Variants in RHEB observed in about 807,000 individuals in gnomAD.
RHEB encodes the protein Ras homolog, mTORC1 binding.
A neutral mutation model predicts 28.8 loss-of-function variants in RHEB; 2 were observed. The observed-to-expected ratio is 0.07, with a 90% CI of 0.03 to 0.22. The LOEUF (loss-of-function observed/expected upper bound fraction) is 0.22, where lower values mean the gene tolerates loss of function less well. Among genes scored for constraint, RHEB ranks in the 10% least tolerant of loss-of-function variants. The probability of loss-of-function intolerance (pLI) is 1.00; values close to 1 mark genes in which losing one functional copy is unlikely to be tolerated. For synonymous variants in RHEB, 69 were observed against 77.3 expected, an observed-to-expected ratio of 0.89 and a Z score of 0.56; for missense variants, 76 against 219.9, an observed-to-expected ratio of 0.35 and a Z score of 4.14.
intron 1 of RHEB, among the ~76,000 whole-genome samples, chr7:151,497,430 C>T (rs1457558874): frequency 6.6e-6 from 1 of 152,170 alleles, no homozygotes; most frequent in Non-Finnish European, 1.5e-5. Context: ...GAACCACTGC[C>T]CTCAGGCAGC....
Position 151,495,794 on chromosome 7 carries a change from A to C in RHEB, c.53-4780T>G, listed in dbSNP as rs1802662145. 1.3e-5 allele frequency among the ~76,000 whole-genome samples: 2 copies of C among 152,182 alleles called. 1 individual carries two copies. Among genetic ancestry groups the C allele is most frequent in the South Asian group, 4.1e-4 (2 of 4,828 alleles). On this transcript the variant is annotated intron_variant, in intron 1 of 7. Transcript: ENST00000262187. ...GATAAAACCCTATCTCTACAAAAAAAATATAAAAATTAGCTGAGTGTGGTG... is the reference window on the plus strand; with the variant it reads ...GATAAAACCCTATCTCTACAAAAAACATATAAAAATTAGCTGAGTGTGGTG...
intron 1 of RHEB, among the ~76,000 whole-genome samples, chr7:151,495,061 C>G (rs1271558685): frequency 6.6e-6 from 1 of 152,194 alleles, no homozygotes; most frequent in African/African-American, 2.4e-5. Flanking sequence ...CACAAAAAGG[C>G]ATTGGTGATC....
At chr7:151,479,864 C>G (rs777384454) in intron 3 of RHEB, among the ~76,000 whole-genome samples, 1 of 152,010 alleles carries the variant, frequency 6.6e-6, no homozygotes, top group Non-Finnish European at 1.5e-5. Context: ...CATCAACACG[C>G]AAAGACCAAC....
intron 3 of RHEB, among the ~76,000 whole-genome samples, chr7:151,477,625 T>G (rs2150923067): frequency 6.6e-6 from 1 of 152,262 alleles, no homozygotes; most frequent in South Asian, 2.1e-4. Flanking sequence ...TGACTAGCTG[T>G]TCTAGAACTT....
At chr7:151,503,051 C>CG (rs1326759208) in intron 1 of RHEB, 1 of 789,816 alleles carries the variant, frequency 1.3e-6, no homozygotes, top group East Asian at 2.4e-5. Context: ...CCAGGACACG[C>CG]GAAAGTACTG....
chr7:151,504,037 CACTCCCT>C (rs1802823018), intron 1 of RHEB, among the ~76,000 whole-genome samples: 1 of 152,216 alleles, frequency 6.6e-6, no homozygotes, highest in South Asian at 2.1e-4. Context: ...ATTTCAACTT[CACTCCCT>C]CAAGCTACCC....
intron 1 of RHEB, among the ~76,000 whole-genome samples, chr7:151,509,400 G>C (rs1024831863): frequency 4.6e-5 from 7 of 150,556 alleles, no homozygotes; most frequent in African/African-American, 1.7e-4. Context: ...AATAAATCTG[G>C]TCCACCCCTT....
intron 7 of RHEB, among the ~76,000 whole-genome samples, chr7:151,467,935 T>C (rs1258441937): frequency 3.4e-4 from 51 of 151,632 alleles, no homozygotes; most frequent in Admixed American, 3.3e-3. Flanking sequence ...AGATTGGAGG[T>C]TTCTATGTTG....
In RHEB at chr7:151,469,741, G is replaced by A. The variant is rs575752886; in HGVS notation, c.462+830C>T. Reference sequence around the variant, plus strand: ...AAGTGGGGTGGACAGGAGATGGTGTGTTTAAGGAAGGGAGCAGTTTGATGT... The same window carrying A: ...AAGTGGGGTGGACAGGAGATGGTGTATTTAAGGAAGGGAGCAGTTTGATGT... On this transcript the variant is annotated intron_variant, in intron 7 of 7. Coordinates refer to ENST00000262187, the MANE Select transcript of RHEB (RefSeq NM_005614.4). 2.0e-5 allele frequency among the ~76,000 whole-genome samples: 3 copies of A among 152,300 alleles called. No individual in the cohort carries two copies. In the East Asian group the frequency reaches 5.8e-4, roughly 29 times the overall value.
intron 2 of RHEB, among the ~76,000 whole-genome samples, chr7:151,485,548 C>T (rs1802456769): frequency 6.6e-6 from 1 of 152,174 alleles, no homozygotes; most frequent in Admixed American, 6.5e-5. Context: ...ATCTTGCATA[C>T]CCGCCCCAGC....
At chr7:151,473,978 A>T (rs1020565124) in intron 4 of RHEB, among the ~76,000 whole-genome samples, 10 of 152,278 alleles carry the variant, frequency 6.6e-5, no homozygotes, top group African/African-American at 2.4e-4. Context: ...CAAGCATCTC[A>T]CTCGGAAGAA....
Position 151,466,899 on chromosome 7 carries a change from T to C in RHEB, c.*220A>G, listed in dbSNP as rs1802073680. ...GGTCATAATATTAAGAAATACAATA[T>C]ATAAATTGAAAATATGATTGCTTAA... is the stretch of plus-strand genomic sequence containing the variant. On this transcript the variant is annotated 3_prime_UTR_variant, in exon 8 of 8. Transcript: ENST00000262187. The C allele has an allele frequency of 2.2e-6, 1 of 453,710 alleles. No homozygotes were observed. Among genetic ancestry groups the C allele is most frequent in the Admixed American group, 3.8e-5 (1 of 26,482 alleles). The allele number at this position is 453,710 out of a possible 1,614,324, so 28.1% of individuals were successfully genotyped here. A position where few individuals can be genotyped will look rare whatever the true frequency, so the allele number is the denominator to read the frequency against.
chr7:151,474,447 TTGGGATTACA>T (rs1261345803), intron 4 of RHEB, among the ~76,000 whole-genome samples: 1 of 152,140 alleles, frequency 6.6e-6, no homozygotes, highest in Non-Finnish European at 1.5e-5. Flanking sequence ...TCCCAAAGTA[TTGGGATTACA>T]GGTGTGGGCC....
chr7:151,478,209 A>G (rs1234135441), intron 3 of RHEB, among the ~76,000 whole-genome samples: 1 of 152,226 alleles, frequency 6.6e-6, no homozygotes. Context: ...CGAACGTTTC[A>G]TTCTTAGTTG....
rs1018998688 is a variant in RHEB at position 151,466,545 on chromosome 7, A to G, written c.*574T>C. The G allele has an allele frequency of 2.0e-5, 3 of 152,550 alleles. No individual in the cohort carries two copies. The highest frequency in any genetic ancestry group is 4.9e-5 in the African/African-American group (2 of 40,902). 9.4% of individuals were successfully genotyped at this position (152,550 alleles called of 1,614,324 possible). A position where few individuals can be genotyped will look rare whatever the true frequency, so the allele number is the denominator to read the frequency against. ...AACCCAGCCCCAACATCTGCAGGCCACTGCGCAGGGAGTCCACGGTCAGCA... is the reference window on the plus strand; with the variant it reads ...AACCCAGCCCCAACATCTGCAGGCCGCTGCGCAGGGAGTCCACGGTCAGCA... On this transcript the variant is annotated 3_prime_UTR_variant, in exon 8 of 8. Transcript: ENST00000262187.
rs1284622128 is a variant in RHEB, at chr7:151,519,654, A to G, written c.-143T>C. On this transcript the variant is annotated 5_prime_UTR_variant, in exon 1 of 8. Coordinates refer to ENST00000262187, the MANE Select transcript of RHEB (RefSeq NM_005614.4). ...CGGGCGCGGCTGCCTCTCGCTCGCT[A>G]GCTCGCGCGCTCCCAACCGCCCGGA... The G allele has an allele frequency of 1.8e-5, 12 of 654,606 alleles. No individual in the cohort carries two copies. Among genetic ancestry groups the G allele is most frequent in the Admixed American group, 4.4e-5 (1 of 22,804 alleles). The allele number at this position is 654,606 out of a possible 1,614,324, so 40.5% of individuals were successfully genotyped here.
Position 151,500,154 on chromosome 7 carries a change from A to T in RHEB, c.53-9140T>A, listed in dbSNP as rs201180514. Among the ~76,000 whole-genome samples, 9 of 152,362 alleles carry T rather than the reference A, an allele frequency of 5.9e-5. No homozygotes were observed. In the East Asian group the frequency reaches 1.7e-3, roughly 29 times the overall value. ...GAAGATTTACTTTCAAAAGCCACTAAGGGTTTTCCAGTCAGAAGAGTGACA... is the reference window on the plus strand; with the variant it reads ...GAAGATTTACTTTCAAAAGCCACTATGGGTTTTCCAGTCAGAAGAGTGACA... On this transcript the variant is annotated intron_variant, in intron 1 of 7. Coordinates refer to ENST00000262187, the MANE Select transcript of RHEB (RefSeq NM_005614.4).
chr7:151,513,764 C>T lies in RHEB; in HGVS notation c.52+5696G>A, dbSNP rs570740678. Among the ~76,000 whole-genome samples the T allele has an allele frequency of 4.6e-5, 7 of 152,302 alleles. No homozygotes were observed. In the South Asian group the frequency reaches 8.3e-4, roughly 18 times the overall value. On this transcript the variant is annotated intron_variant, in intron 1 of 7. Transcript: ENST00000262187. ...TGAAAAACTATTCAAGTACTCCTTA[C>T]TTCATTAAAATAACGTTAAGGGAAT...
intron 1 of RHEB, among the ~76,000 whole-genome samples, chr7:151,500,400 G>GT (rs1296549538): frequency 6.6e-6 from 1 of 152,186 alleles, no homozygotes; most frequent in African/African-American, 2.4e-5. Context: ...AATTAAGACA[G>GT]TGTGGTACTG....
Sources: allele counts gnomAD v4.1 joint callset (sites outside exome capture counted in the v4.1 genomes callset), GRCh38; gene constraint gnomAD v4.1.1; transcripts MANE v1.5; gene names NCBI Gene and HGNC (gene_info 2026-07-23, HGNC 2026-07-21).